Variants in SBF2 observed in about 807,000 individuals in gnomAD.
SBF2 encodes myotubularin-related protein 13.
SBF2 carries 112 observed loss-of-function variants against 225.2 expected under a neutral mutation model. The observed-to-expected ratio is 0.50, with a 90% CI of 0.43 to 0.58. SBF2 has a LOEUF of 0.58. Ranked by LOEUF, SBF2 falls within the 20% of genes least tolerant of loss-of-function variation. SBF2 has a pLI of 0.00. For missense variants in SBF2, 1,996 were observed against 2,206.2 expected (o/e 0.90, Z 1.91); for synonymous variants, 763 against 773.3 (o/e 0.99, Z 0.22).
At chr11:10,076,967 G>A (rs367693754) in intron 2 of SBF2, among the ~76,000 whole-genome samples, 18 of 152,236 alleles carry the variant, frequency 1.2e-4, no homozygotes, top group South Asian at 4.2e-4. Context: ...GAGTTCCACA[G>A]CCTAGTCCAT....
intron 28 of SBF2, chr11:9,828,031 C>A: frequency 3.0e-6 from 2 of 666,386 alleles, no homozygotes; most frequent in Admixed American, 6.7e-5. Flanking sequence ...CAATTTGAAT[C>A]ATAATTAATT....
At chr11:9,970,474 C>T (rs1471990693) in intron 13 of SBF2, among the ~76,000 whole-genome samples, 1 of 152,102 alleles carries the variant, frequency 6.6e-6, no homozygotes, top group African/African-American at 2.4e-5. Flanking sequence ...CATACATCCT[C>T]TTGACACTTA....
intron 3 of SBF2, among the ~76,000 whole-genome samples, chr11:10,042,277 T>C (rs915110585): frequency 1.6e-4 from 24 of 152,304 alleles, no homozygotes; most frequent in Admixed American, 5.9e-4. Context: ...AATACTTTGT[T>C]ATGACTCCTT....
intron 16 of SBF2, among the ~76,000 whole-genome samples, chr11:9,904,306 T>A (rs1169513405): frequency 6.6e-6 from 1 of 152,162 alleles, no homozygotes; most frequent in South Asian, 2.1e-4. Context: ...GCTATATTAA[T>A]AATCAGAATA....
At chr11:9,881,017 T>C (rs1409470461) in intron 17 of SBF2, among the ~76,000 whole-genome samples, 1 of 152,172 alleles carries the variant, frequency 6.6e-6, no homozygotes, top group Non-Finnish European at 1.5e-5. Flanking sequence ...CTCTGGCAAG[T>C]GCTTAACAAA....
chr11:10,091,548 G>A (rs544911558), intron 2 of SBF2, among the ~76,000 whole-genome samples: 10 of 152,214 alleles, frequency 6.6e-5, no homozygotes, highest in South Asian at 2.1e-4. Context: ...GAATGCTTCC[G>A]TTATAAGCTC....
intron 1 of SBF2, among the ~76,000 whole-genome samples, chr11:10,253,132 A>G (rs1277649785): frequency 6.6e-6 from 1 of 151,596 alleles, no homozygotes; most frequent in Non-Finnish European, 1.5e-5. Flanking sequence ...AAAAAAAAAA[A>G]AAAAAAAAAA....
In SBF2 at chr11:9,993,027, A is replaced by G. The variant is rs371432409; in HGVS notation, c.1130T>C (p.Ile377Thr). 27 of 1,612,576 alleles carry G rather than the reference A, an allele frequency of 1.7e-5. No homozygotes were observed. Among genetic ancestry groups the G allele is most frequent in the African/African-American group, 5.3e-5 (4 of 74,918 alleles). Reference sequence around the variant, plus strand: ...TATTACTGGCTCTGCATGAATTCTTATAAGTTGCAGGCAGGATCTATATCC... The same window carrying G: ...TATTACTGGCTCTGCATGAATTCTTGTAAGTTGCAGGCAGGATCTATATCC... ...FQGYRSCLQL[I>T]RIHAEPVIHF... Residue 377 changes from isoleucine (I) to threonine (T), a missense_variant, in exon 11 of 40, where the codon ATA becomes ACA. Transcript: ENST00000256190.
Position 9,962,065 on chromosome 11 carries a change from T to C in SBF2, c.1752A>G (p.Ala584=), listed in dbSNP as rs1461937973. 1 of 1,614,152 alleles carries C rather than the reference T, an allele frequency of 6.2e-7. No homozygotes were observed. The highest frequency in any genetic ancestry group is 1.7e-5 in the Admixed American group (1 of 60,018). ...AALRALKGKA[A]RQCLTDELGL... is the part of the protein sequence containing the mutation. The stretch of plus-strand genomic sequence containing the variant: ...CCAATTCATCAGTGAGACACTGTCT[T>C]GCTGCCTTTCCTTTAAGGGCTCTGA... The change falls in exon 16 of 40, where the codon GCA becomes GCG. Residue 584 remains alanine, a synonymous_variant. Coordinates refer to ENST00000256190, the MANE Select transcript of SBF2 (RefSeq NM_030962.4).
Position 9,921,736 on chromosome 11 carries a change from C to A in SBF2, c.1861-25725G>T, listed in dbSNP as rs569234429. Among the ~76,000 whole-genome samples, 2 of 152,208 alleles carry A rather than the reference C, an allele frequency of 1.3e-5. 1 individual carries two copies. Among genetic ancestry groups the A allele is most frequent in the South Asian group, 4.2e-4 (2 of 4,816 alleles). ...CATACTTATGTCTTTATTTCTTCAC[C>A]AGTAAGTATGAGCCCAGTGCATACA... On this transcript the variant is annotated intron_variant, in intron 16 of 39. Coordinates refer to ENST00000256190, the MANE Select transcript of SBF2 (RefSeq NM_030962.4).
chr11:10,118,887 C>T (rs1953295664), intron 2 of SBF2, among the ~76,000 whole-genome samples: 1 of 145,752 alleles, frequency 6.9e-6, no homozygotes, highest in Non-Finnish European at 1.5e-5. Context: ...CTGCTGATCA[C>T]CTGAAGTACT....
At chr11:9,999,314 T>C (rs1947847302) in intron 8 of SBF2, among the ~76,000 whole-genome samples, 2 of 151,084 alleles carry the variant, frequency 1.3e-5, no homozygotes, top group Non-Finnish European at 1.5e-5. Flanking sequence ...TGTATGTATG[T>C]ATGTATGTAT....
At chr11:9,888,466 T>A (rs532349404) in intron 17 of SBF2, among the ~76,000 whole-genome samples, 1 of 151,564 alleles carries the variant, frequency 6.6e-6, no homozygotes, top group East Asian at 1.9e-4. Flanking sequence ...ATGGCATCAC[T>A]GTACTCCAGC....
intron 25 of SBF2, among the ~76,000 whole-genome samples, chr11:9,841,578 G>T (rs1399225698): frequency 6.6e-6 from 1 of 151,346 alleles, no homozygotes; most frequent in African/African-American, 2.4e-5. Flanking sequence ...TCCGACCCAG[G>T]CTGGAGTGCA....
intron 3 of SBF2, among the ~76,000 whole-genome samples, chr11:10,034,591 CTG>C (rs543671862): frequency 4.7e-4 from 71 of 152,308 alleles, no homozygotes; most frequent in African/African-American, 1.6e-3. Context: ...AACATCTTCT[CTG>C]TGCTATGTTC....
chr11:10,162,035 T>A (rs72861713), intron 2 of SBF2, among the ~76,000 whole-genome samples: 7,848 of 152,232 alleles, frequency 0.052, 275 homozygotes, highest in Middle Eastern at 0.13. Context: ...TTTTTAGCAC[T>A]GTTCCCCTTT....
At chr11:10,253,105 A>G (rs1322155042) in intron 1 of SBF2, among the ~76,000 whole-genome samples, 1 of 145,020 alleles carries the variant, frequency 6.9e-6, no homozygotes, top group African/African-American at 2.6e-5. Context: ...ACCTCCACAC[A>G]AGAGGTAAAT....
intron 2 of SBF2, among the ~76,000 whole-genome samples, chr11:10,054,991 C>A (rs548602739): frequency 7.9e-5 from 12 of 152,162 alleles, no homozygotes; most frequent in African/African-American, 1.7e-4. Context: ...CTCACTGCAA[C>A]CTCCACCTCC....
chr11:10,273,293 C>G (rs7108358), intron 1 of SBF2, among the ~76,000 whole-genome samples: 69,770 of 151,944 alleles, frequency 0.46, 16,870 homozygotes, highest in Non-Finnish European at 0.54. Flanking sequence ...CTTAATTGCA[C>G]AAGTTAAATC....
Sources: gnomAD v4.1 joint callset for allele counts (sites outside exome capture counted in the v4.1 genomes callset) on GRCh38, gnomAD v4.1.1 for gene constraint, MANE v1.5 for transcripts, NCBI Gene and HGNC (gene_info 2026-07-23, HGNC 2026-07-21) for gene names.